CIMIP4: variants seen among roughly 807,000 people sequenced by gnomAD.
CIMIP4 encodes the protein ciliary microtubule inner protein 4, also known as protein EAN57.
At chr22:37,005,641 T>G in the CIMIP4 span, among the ~76,000 whole-genome samples, 1 of 151,230 alleles carries the variant, frequency 6.6e-6, no homozygotes, top group Non-Finnish European at 1.5e-5. Context: ...TTACTAGAAA[T>G]AGTGGAAGAA....
the CIMIP4 span, among the ~76,000 whole-genome samples, chr22:36,993,644 G>C: frequency 6.6e-6 from 1 of 151,938 alleles, no homozygotes; most frequent in Non-Finnish European, 1.5e-5. Flanking sequence ...CAGGAGAATG[G>C]CGTGAACCCA....
the CIMIP4 span, chr22:37,004,017 A>C: frequency 1.3e-6 from 2 of 1,547,426 alleles, no homozygotes; most frequent in Non-Finnish European, 1.7e-6. Flanking sequence ...GGCAATTCCA[A>C]GCTTAGTCCT....
chr22:37,006,983 C>CA, the CIMIP4 span, among the ~76,000 whole-genome samples: 1 of 152,222 alleles, frequency 6.6e-6, no homozygotes, highest in Admixed American at 6.5e-5. Context: ...GCAAGGAACT[C>CA]AGAGTGGCCT....
chr22:36,993,733 AAAAAG>A, the CIMIP4 span, among the ~76,000 whole-genome samples: 7 of 151,974 alleles, frequency 4.6e-5, no homozygotes, highest in Non-Finnish European at 7.4e-5. Flanking sequence ...CATCTCAAAA[AAAAAG>A]AAAAGAAAAG....
chr22:36,999,114 G>A, the CIMIP4 span, among the ~76,000 whole-genome samples: 3 of 152,066 alleles, frequency 2.0e-5, no homozygotes, highest in East Asian at 5.8e-4. Flanking sequence ...GGTGTGGGGA[G>A]CAGCAGTCCC....
the CIMIP4 span, chr22:37,002,027 G>A: frequency 5.0e-6 from 8 of 1,612,008 alleles, no homozygotes; most frequent in African/African-American, 1.3e-5. Context: ...TCTCGAGGAG[G>A]ATCGAGAGCC....
chr22:37,006,611 T>G, the CIMIP4 span, among the ~76,000 whole-genome samples: 1 of 152,304 alleles, frequency 6.6e-6, no homozygotes, highest in South Asian at 2.1e-4. Flanking sequence ...TATGACCAGA[T>G]TCTAGCTTTT....
chr22:36,995,802 A>G, the CIMIP4 span, among the ~76,000 whole-genome samples: 21 of 152,294 alleles, frequency 1.4e-4, no homozygotes, highest in East Asian at 9.6e-4. Flanking sequence ...CCCCAGCTAC[A>G]TGGAACTGTG....
At chr22:36,993,035 C>T in the CIMIP4 span, among the ~76,000 whole-genome samples, 3 of 136,228 alleles carry the variant, frequency 2.2e-5, no homozygotes, top group South Asian at 2.3e-4. Context: ...TTTTTTGAGA[C>T]GGAGTCTCGC....
At chr22:37,001,545 T>A in the CIMIP4 span, among the ~76,000 whole-genome samples, 6 of 152,270 alleles carry the variant, frequency 3.9e-5, no homozygotes, top group South Asian at 1.2e-3. Context: ...GTTTGCACCC[T>A]CGTCTCGCAC....
chr22:36,999,881 T>G, the CIMIP4 span: 1 of 1,613,924 alleles, frequency 6.2e-7, no homozygotes, highest in East Asian at 2.2e-5. Context: ...GAGGTCATAG[T>G]AGTCTGAGAA....
chr22:36,997,630 G>GT, the CIMIP4 span, among the ~76,000 whole-genome samples: 1 of 152,138 alleles, frequency 6.6e-6, no homozygotes, highest in Non-Finnish European at 1.5e-5. Flanking sequence ...CCTCCTACCA[G>GT]TTTCCCTGTT....
chr22:37,002,100 G>C, the CIMIP4 span: 1 of 1,573,790 alleles, frequency 6.4e-7, no homozygotes, highest in Non-Finnish European at 8.6e-7. Flanking sequence ...GCAGCAGTCG[G>C]GGGTGGAGGG....
chr22:36,991,188 G>C, the CIMIP4 span: 2 of 1,614,066 alleles, frequency 1.2e-6, no homozygotes, highest in Non-Finnish European at 8.5e-7. Flanking sequence ...ACTAGTACTT[G>C]GAGCTCTTGG....
chr22:36,991,688 A>C, the CIMIP4 span: 1 of 1,029,552 alleles, frequency 9.7e-7, no homozygotes, highest in Admixed American at 1.8e-5. Flanking sequence ...ACGGATGGTA[A>C]ATTGTGGAAC....
chr22:37,004,516 G>A, the CIMIP4 span, among the ~76,000 whole-genome samples: 6 of 152,084 alleles, frequency 3.9e-5, no homozygotes, highest in East Asian at 1.9e-4. Flanking sequence ...ATGGTCGTTC[G>A]TGCTCAGGGA....
chr22:36,991,274 G>A, the CIMIP4 span: 61 of 1,613,898 alleles, frequency 3.8e-5, no homozygotes, highest in Admixed American at 5.0e-4. Flanking sequence ...TGGTGCCACC[G>A]CCCTACAGCG....
the CIMIP4 span, among the ~76,000 whole-genome samples, chr22:37,002,946 T>C: frequency 6.6e-6 from 1 of 152,224 alleles, no homozygotes; most frequent in Admixed American, 6.5e-5. Context: ...CCCACGTCCC[T>C]GCCCACAGCC....
the CIMIP4 span, among the ~76,000 whole-genome samples, chr22:36,992,864 C>A: frequency 6.6e-6 from 1 of 151,332 alleles, no homozygotes; most frequent in African/African-American, 2.4e-5. Flanking sequence ...GTAATCCCAG[C>A]ACTTTGGGAG....
Sources: gnomAD v4.1 joint callset for allele counts (sites outside exome capture counted in the v4.1 genomes callset) on GRCh38, gnomAD v4.1.1 for gene constraint, MANE v1.5 for transcripts, NCBI Gene and HGNC (gene_info 2026-07-23, HGNC 2026-07-21) for gene names.